PCCA: variants seen among roughly 807,000 people sequenced by gnomAD.
The protein encoded by PCCA is propionyl-CoA carboxylase alpha chain, mitochondrial.
Under a neutral mutation model 101.3 loss-of-function variants are expected in PCCA, and 74 were observed. That is an observed-to-expected ratio of 0.73 (90% CI 0.61 to 0.89). The LOEUF (loss-of-function observed/expected upper bound fraction) is 0.89, where lower values mean the gene tolerates loss of function less well. Ranked by LOEUF, PCCA falls within the 40% of genes least tolerant of loss-of-function variation. The pLI, the probability that PCCA is intolerant of heterozygous loss-of-function variation, is 0.00. For synonymous variants in PCCA, 294 were observed against 313.6 expected, an observed-to-expected ratio of 0.94 and a Z score of 0.66; for missense variants, 891 against 907.0, an observed-to-expected ratio of 0.98 and a Z score of 0.23.
intron 4 of PCCA, among the ~76,000 whole-genome samples, chr13:100,139,363 G>A (rs1391472793): frequency 2.0e-5 from 3 of 151,664 alleles, no homozygotes; most frequent in Non-Finnish European, 2.9e-5. Flanking sequence ...TTCTCTGATA[G>A]ACATGTATGT....
chr13:100,473,296 A>T (rs1813866235), intron 21 of PCCA: 1 of 152,114 alleles, frequency 6.6e-6, no homozygotes, highest in Non-Finnish European at 1.5e-5. Context: ...GGCCCCCTGC[A>T]GTCGATTAGG....
At chr13:100,219,569 C>T (rs1021156787) in intron 7 of PCCA, among the ~76,000 whole-genome samples, 2 of 152,138 alleles carry the variant, frequency 1.3e-5, no homozygotes, top group East Asian at 3.8e-4. Context: ...CCATATCTGT[C>T]AACTGAGTAG....
chr13:100,098,896 A>G (rs1225730154), intron 1 of PCCA, among the ~76,000 whole-genome samples: 1 of 152,196 alleles, frequency 6.6e-6, no homozygotes, highest in African/African-American at 2.4e-5. Context: ...TGCTTCCAGG[A>G]AAAAGCCAGA....
chr13:100,295,347 T>C (rs1248432726), intron 12 of PCCA, among the ~76,000 whole-genome samples: 1 of 152,214 alleles, frequency 6.6e-6, no homozygotes, highest in African/African-American at 2.4e-5. Flanking sequence ...AGTTTCCTCA[T>C]ATTTCAGTGG....
chr13:100,292,573 A>G (rs2065211703), intron 12 of PCCA, among the ~76,000 whole-genome samples: 1 of 152,136 alleles, frequency 6.6e-6, no homozygotes, highest in African/African-American at 2.4e-5. Context: ...ATTGGTTGAC[A>G]TTTTTACTCT....
At chr13:100,481,122 T>C (rs1351870187) in intron 21 of PCCA, 1 of 152,252 alleles carries the variant, frequency 6.6e-6, no homozygotes, top group African/African-American at 2.4e-5. Context: ...ATTCTTACTG[T>C]AGATCTTAGC....
At chr13:100,229,455 T>G (rs975796856) in intron 7 of PCCA, among the ~76,000 whole-genome samples, 1 of 152,250 alleles carries the variant, frequency 6.6e-6, no homozygotes, top group Non-Finnish European at 1.5e-5. Flanking sequence ...CAATGTACTT[T>G]ATGTTCTCAG....
intron 4 of PCCA, chr13:100,151,197 A>G: frequency 1.5e-6 from 1 of 652,734 alleles, no homozygotes; most frequent in Non-Finnish European, 2.6e-6. Context: ...TGTAAGATGA[A>G]AAACACATCT....
At chr13:100,459,476 A>G (rs2082029766) in intron 21 of PCCA, among the ~76,000 whole-genome samples, 1 of 152,234 alleles carries the variant, frequency 6.6e-6, no homozygotes, top group South Asian at 2.1e-4. Context: ...CATCACCTGT[A>G]TGACTGCAGT....
chr13:100,525,360 C>G (rs910491571), intron 22 of PCCA, among the ~76,000 whole-genome samples: 42 of 152,192 alleles, frequency 2.8e-4, no homozygotes, highest in African/African-American at 9.9e-4. Flanking sequence ...CCAGCACTTG[C>G]AGTTACCTGT....
intron 7 of PCCA, among the ~76,000 whole-genome samples, chr13:100,211,868 A>G (rs2059236093): frequency 6.6e-6 from 1 of 152,088 alleles, no homozygotes; most frequent in Admixed American, 6.6e-5. Context: ...AGCTTCTTGA[A>G]TAGGTGAGAC....
intron 22 of PCCA, among the ~76,000 whole-genome samples, chr13:100,516,960 GTTTT>G (rs1320113836): frequency 6.7e-6 from 1 of 149,242 alleles, no homozygotes; most frequent in South Asian, 2.1e-4. Flanking sequence ...TTTTTCTTAA[GTTTT>G]TTTTCTGGAA....
chr13:100,517,941 G>A (rs527519717), intron 22 of PCCA, among the ~76,000 whole-genome samples: 1 of 152,254 alleles, frequency 6.6e-6, no homozygotes, highest in African/African-American at 2.4e-5. Flanking sequence ...CTTACTTGAG[G>A]CCATTGTGAG....
At chr13:100,433,618 G>A (rs2079719168) in intron 20 of PCCA, among the ~76,000 whole-genome samples, 2 of 152,102 alleles carry the variant, frequency 1.3e-5, no homozygotes, top group South Asian at 4.2e-4. Flanking sequence ...TACTGTATTT[G>A]GGAGAGGAGG....
chr13:100,217,711 T>G (rs13378781), intron 7 of PCCA, among the ~76,000 whole-genome samples: 23,942 of 150,610 alleles, frequency 0.16, 2,021 homozygotes, highest in African/African-American at 0.18. Flanking sequence ...AAAAATTAGT[T>G]GGGCGTGGTG....
intron 8 of PCCA, among the ~76,000 whole-genome samples, chr13:100,244,520 AT>A (rs1030066707): frequency 6.6e-6 from 1 of 151,894 alleles, no homozygotes. Flanking sequence ...CGTGAATACC[AT>A]TTTTTTCCTT....
At chr13:100,453,859 T>A (rs1015633563) in intron 21 of PCCA, among the ~76,000 whole-genome samples, 3 of 152,082 alleles carry the variant, frequency 2.0e-5, no homozygotes, top group Non-Finnish European at 1.5e-5. Flanking sequence ...CTTTTTGATT[T>A]GTTTTGTTTT....
chr13:100,399,482 T>A (rs1218899464), intron 19 of PCCA, among the ~76,000 whole-genome samples: 1 of 152,216 alleles, frequency 6.6e-6, no homozygotes, highest in African/African-American at 2.4e-5. Flanking sequence ...ATTTGTAGAC[T>A]TGTAAATGTT....
intron 16 of PCCA, among the ~76,000 whole-genome samples, chr13:100,312,669 G>A (rs2067016262): frequency 6.6e-6 from 1 of 152,156 alleles, no homozygotes; most frequent in African/African-American, 2.4e-5. Flanking sequence ...CCAAAATGCT[G>A]ACCAACCACA....
Sources: allele counts gnomAD v4.1 joint callset (sites outside exome capture counted in the v4.1 genomes callset), GRCh38; gene constraint gnomAD v4.1.1; transcripts MANE v1.5; gene names NCBI Gene and HGNC (gene_info 2026-07-23, HGNC 2026-07-21).